The following HS3ST3B1 variants were observed in gnomAD, a reference collection of about 807,000 sequenced individuals.
HS3ST3B1 encodes heparan sulfate-glucosamine 3-sulfotransferase 3B1, also known as heparan sulfate glucosamine 3-O-sulfotransferase 3B1.
HS3ST3B1 carries 13 observed loss-of-function variants against 21.3 expected under a neutral mutation model. The ratio of observed to expected loss-of-function variants is 0.61; its 90% CI spans 0.40 to 0.97. The LOEUF (loss-of-function observed/expected upper bound fraction) is 0.97. Among genes scored for constraint, HS3ST3B1 ranks in the 50% least tolerant of loss-of-function variants. The pLI, the probability that HS3ST3B1 is intolerant of heterozygous loss-of-function variation, is 0.00. For synonymous variants in HS3ST3B1, 234 were observed against 254.8 expected, an observed-to-expected ratio of 0.92 and a Z score of 0.78; for missense variants, 459 against 554.8, an observed-to-expected ratio of 0.83 and a Z score of 1.73.
intron 1 of HS3ST3B1, among the ~76,000 whole-genome samples, chr17:14,302,489 C>T (rs1469300608): frequency 6.6e-6 from 1 of 152,172 alleles, no homozygotes. Flanking sequence ...CGGTCTCCGC[C>T]CTCAAGGAAC....
chr17:14,338,235 C>G (rs1034954762), intron 1 of HS3ST3B1, among the ~76,000 whole-genome samples: 7 of 151,624 alleles, frequency 4.6e-5, no homozygotes, highest in African/African-American at 1.5e-4. Context: ...AAGTGATTCT[C>G]CTGCCTCAGC....
chr17:14,308,634 T>G (rs1298625618), intron 1 of HS3ST3B1, among the ~76,000 whole-genome samples: 1 of 152,200 alleles, frequency 6.6e-6, no homozygotes, highest in East Asian at 1.9e-4. Flanking sequence ...TAAAAAAAAG[T>G]ACACACACTA....
chr17:14,323,141 G>T (rs1909708715), intron 1 of HS3ST3B1, among the ~76,000 whole-genome samples: 1 of 151,962 alleles, frequency 6.6e-6, no homozygotes, highest in Non-Finnish European at 1.5e-5. Context: ...CTCCTAACCT[G>T]GTGATCCACC....
At position 14,333,791 on chromosome 17, in the gene HS3ST3B1, A is replaced by G. The variant is rs536046084; in HGVS notation, c.555-11237A>G. ...ATCACCTGGGGGATAGTAGAGGCTG[A>G]GAACCTTTTTTTTCTGAGACAGAGT... On this transcript the variant is annotated intron_variant, in intron 1 of 1. Coordinates refer to ENST00000360954, the MANE Select transcript of HS3ST3B1 (RefSeq NM_006041.3). Among the ~76,000 whole-genome samples, 5 of 152,222 alleles carry G rather than the reference A, an allele frequency of 3.3e-5. No homozygotes were observed. In the East Asian group the frequency reaches 9.7e-4, roughly 30 times the overall value.
chr17:14,306,084 C>T (rs1198136667), intron 1 of HS3ST3B1, among the ~76,000 whole-genome samples: 1 of 152,174 alleles, frequency 6.6e-6, no homozygotes, highest in Admixed American at 6.5e-5. Flanking sequence ...ACTGAGTTTG[C>T]TTTAGAAGAG....
At chr17:14,309,916 G>C (rs1299294496) in intron 1 of HS3ST3B1, among the ~76,000 whole-genome samples, 1 of 152,190 alleles carries the variant, frequency 6.6e-6, no homozygotes, top group Non-Finnish European at 1.5e-5. Flanking sequence ...AGCGGGAGGG[G>C]TTGCTGGCAA....
intron 1 of HS3ST3B1, among the ~76,000 whole-genome samples, chr17:14,318,258 C>T (rs1392601712): frequency 2.0e-5 from 3 of 152,206 alleles, no homozygotes. Context: ...GGCCCTGCCA[C>T]CTCTCCTCTC....
intron 1 of HS3ST3B1, among the ~76,000 whole-genome samples, chr17:14,330,008 A>G (rs1399722606): frequency 6.6e-6 from 1 of 152,206 alleles, no homozygotes; most frequent in Non-Finnish European, 1.5e-5. Context: ...AAGTGGCAGG[A>G]CAAATGTTAT....
chr17:14,342,913 C>A (rs892129398), intron 1 of HS3ST3B1, among the ~76,000 whole-genome samples: 1 of 152,022 alleles, frequency 6.6e-6, no homozygotes, highest in Non-Finnish European at 1.5e-5. Flanking sequence ...TTTGGGGGTA[C>A]AATATGATAT....
chr17:14,303,910 C>T lies in HS3ST3B1; in HGVS notation c.554+1838C>T, dbSNP rs897623477. 6.6e-6 allele frequency: 1 copy of T among 152,196 alleles called. No individual in the cohort carries two copies. The highest frequency in any genetic ancestry group is 2.4e-5 in the African/African-American group (1 of 41,422). 9.4% of individuals were successfully genotyped at this position (152,196 alleles called of 1,614,324 possible). On this transcript the variant is annotated intron_variant, in intron 1 of 1. Coordinates refer to ENST00000360954, the MANE Select transcript of HS3ST3B1 (RefSeq NM_006041.3). This position sits in a 1 kb window ranked among gnomAD's most constrained non-coding sequence, Gnocchi z 5.7. Reference sequence around the variant, plus strand: ...AGGAACTGGCAGGAAAAGGACTGAACCCTTAATGTCAGGCGGTTTTGAAGC... The same window carrying T: ...AGGAACTGGCAGGAAAAGGACTGAATCCTTAATGTCAGGCGGTTTTGAAGC...
Position 14,346,769 on chromosome 17 carries a change from A to G in HS3ST3B1, c.*1123A>G, listed in dbSNP as rs1027316501. 2.6e-5 allele frequency: 4 copies of G among 152,212 alleles called. No individual in the cohort carries two copies. Among genetic ancestry groups the G allele is most frequent in the African/African-American group, 9.7e-5 (4 of 41,448 alleles). 9.4% of individuals were successfully genotyped at this position (152,212 alleles called of 1,614,324 possible). ...CCTTTAATTTGCATGAAACTACACC[A>G]TGCTGCGTTCCCCAGGCAGACAGTT... On this transcript the variant is annotated 3_prime_UTR_variant, in exon 2 of 2. Coordinates refer to ENST00000360954, the MANE Select transcript of HS3ST3B1 (RefSeq NM_006041.3).
intron 1 of HS3ST3B1, among the ~76,000 whole-genome samples, chr17:14,309,608 C>T (rs572700222): frequency 2.0e-5 from 3 of 152,332 alleles, no homozygotes; most frequent in Non-Finnish European, 4.4e-5. Flanking sequence ...AGCTTCCACT[C>T]GGTGCTGCTG....
At chr17:14,344,191 TG>T (rs1278851683) in intron 1 of HS3ST3B1, among the ~76,000 whole-genome samples, 8 of 152,232 alleles carry the variant, frequency 5.3e-5, no homozygotes, top group Non-Finnish European at 1.0e-4. Context: ...TGAGCCACTG[TG>T]CCCAGCCTGG....
In HS3ST3B1 at chr17:14,302,003, ACGTGCGCGC is replaced by A. The variant is rs1329548373; in HGVS notation, c.490_498del (p.Arg164_Val166del). The A allele has an allele frequency of 4.3e-6, 7 of 1,609,478 alleles. No individual in the cohort carries two copies. Among genetic ancestry groups the A allele is most frequent in the African/African-American group, 1.3e-5 (1 of 74,896 alleles). ...CTGGAGTTTCTGCGCGTGCACCCCG[ACGTGCGCGC>A]CGTGGGCGCCGAGCCCCATTTCTTC... On this transcript the variant is annotated inframe_deletion, in exon 1 of 2. Transcript: ENST00000360954.
intron 1 of HS3ST3B1, among the ~76,000 whole-genome samples, chr17:14,339,840 G>C (rs1463112756): frequency 6.6e-6 from 1 of 152,160 alleles, no homozygotes; most frequent in African/African-American, 2.4e-5. Flanking sequence ...ATGTGAGGGG[G>C]TCTTACCCTC....
chr17:14,327,797 T>C (rs990009205), intron 1 of HS3ST3B1: 19 of 152,246 alleles, frequency 1.2e-4, no homozygotes, highest in African/African-American at 4.6e-4. Flanking sequence ...CGATGCCTGG[T>C]GTTTTGCTGT....
rs779847009 is a variant in HS3ST3B1, at chr17:14,309,027, G to A, written c.554+6955G>A. 1.2e-3 allele frequency among the ~76,000 whole-genome samples: 190 copies of A among 152,296 alleles called. 3 individuals carry two copies. Among genetic ancestry groups the A allele is most frequent in the Non-Finnish European group, 2.3e-3 (157 of 68,004 alleles). On this transcript the variant is annotated intron_variant, in intron 1 of 1. Transcript: ENST00000360954. ...AATGAATGGAGCTGGGGGGAGAGCC[G>A]CCCCCCTTTTTCAGGTCTGCGGACG...
chr17:14,326,021 ACGTGTGTGTGTGTGCACGCACGTGTGTG>A (rs1436349519), intron 1 of HS3ST3B1, among the ~76,000 whole-genome samples: 9 of 150,784 alleles, frequency 6.0e-5, no homozygotes, highest in Admixed American at 4.0e-4. Context: ...GTGTGTGTGT[ACGTGTGTGTGTGTGCACGCACGTGTGTG>A]CGTGTGTGTG....
chr17:14,320,919 G>C (rs1213288669), intron 1 of HS3ST3B1, among the ~76,000 whole-genome samples: 1 of 152,206 alleles, frequency 6.6e-6, no homozygotes, highest in East Asian at 1.9e-4. Context: ...CCTGTTCCGA[G>C]TGTGCAATTA....
Sources: allele counts gnomAD v4.1 joint callset (sites outside exome capture counted in the v4.1 genomes callset), GRCh38; gene constraint gnomAD v4.1.1; non-coding constraint Gnocchi (gnomAD v3.1); transcripts MANE v1.5; gene names NCBI Gene and HGNC (gene_info 2026-07-23, HGNC 2026-07-21).